The following ATP11B variants were observed in gnomAD, a reference collection of about 807,000 sequenced individuals.
ATP11B encodes ATPase phospholipid transporting 11B (putative).
Under a neutral mutation model 157.8 loss-of-function variants are expected in ATP11B, and 81 were observed. That is an observed-to-expected ratio of 0.51 (90% CI 0.43 to 0.62). ATP11B has a LOEUF of 0.62. ATP11B is among the 20% of genes least tolerant of loss of function. ATP11B has a pLI of 0.00. For synonymous variants in ATP11B, 451 were observed against 469.4 expected (o/e 0.96, Z 0.51); for missense variants, 1,165 against 1,402.2 (o/e 0.83, Z 2.70).
At chr3:182,826,181 A>T (rs1373313570) in intron 2 of ATP11B, among the ~76,000 whole-genome samples, 1 of 152,190 alleles carries the variant, frequency 6.6e-6, no homozygotes, top group East Asian at 1.9e-4. Flanking sequence ...TTCACAATCT[A>T]TTATGTTTGT....
intron 7 of ATP11B, among the ~76,000 whole-genome samples, chr3:182,837,434 T>C (rs1227851808): frequency 6.6e-6 from 1 of 152,126 alleles, no homozygotes; most frequent in Non-Finnish European, 1.5e-5. Flanking sequence ...ACTAGCATGC[T>C]CACTTTGTAG....
intron 4 of ATP11B, chr3:182,830,021 C>T: frequency 2.7e-6 from 2 of 739,042 alleles, no homozygotes; most frequent in African/African-American, 1.9e-5. Flanking sequence ...TATGTATAAA[C>T]CATTTATATA....
At chr3:182,905,403 G>T (rs545917639) in intron 28 of ATP11B, among the ~76,000 whole-genome samples, 12 of 152,176 alleles carry the variant, frequency 7.9e-5, no homozygotes, top group Non-Finnish European at 1.3e-4. Flanking sequence ...AGGCCATGAA[G>T]TCCAGTTAGA....
intron 1 of ATP11B, among the ~76,000 whole-genome samples, chr3:182,811,226 G>C (rs1244231567): frequency 1.3e-5 from 2 of 152,098 alleles, no homozygotes; most frequent in Non-Finnish European, 2.9e-5. Context: ...TAAAAGTTCT[G>C]ACAAAAAGTA....
chr3:182,834,190 A>C (rs1261724022), intron 4 of ATP11B, among the ~76,000 whole-genome samples: 1 of 152,212 alleles, frequency 6.6e-6, no homozygotes, highest in Non-Finnish European at 1.5e-5. Flanking sequence ...TTTGACTTTC[A>C]ATTAAATTTC....
chr3:182,864,111 T>G (rs1372037451), intron 12 of ATP11B, among the ~76,000 whole-genome samples: 1 of 152,154 alleles, frequency 6.6e-6, no homozygotes, highest in Non-Finnish European at 1.5e-5. Context: ...TGGATATCGA[T>G]CTTTTTATCC....
At chr3:182,816,412 A>G (rs145474762) in intron 1 of ATP11B, among the ~76,000 whole-genome samples, 270 of 152,308 alleles carry the variant, frequency 1.8e-3, no homozygotes, top group Non-Finnish European at 2.7e-3. Flanking sequence ...TTATGTGCCA[A>G]AGGTTTCTGA....
intron 10 of ATP11B, 97 bp from the exon 11 acceptor site, chr3:182,857,781 G>A (rs1720524093): frequency 4.1e-6 from 3 of 726,766 alleles, no homozygotes; most frequent in African/African-American, 1.8e-5. Context: ...TACCCTCTAT[G>A]TTTTAATATC....
intron 17 of ATP11B, among the ~76,000 whole-genome samples, chr3:182,870,143 T>C (rs991567587): frequency 6.6e-6 from 1 of 152,202 alleles, no homozygotes; most frequent in African/African-American, 2.4e-5. Context: ...TATTGTGGAT[T>C]TAGATAGTGG....
rs532534029 is a variant in ATP11B, at chr3:182,883,921, C to G, written c.2510-832C>G. Among the ~76,000 whole-genome samples the G allele has an allele frequency of 2.1e-3, 292 of 140,594 alleles. 3 individuals are homozygous for G. Among genetic ancestry groups the G allele is most frequent in the Middle Eastern group, 0.012 (3 of 258 alleles). 92.2% of individuals were successfully genotyped at this position (140,594 alleles called of 152,430 possible). A position where few individuals can be genotyped will look rare whatever the true frequency, so the allele number is the denominator to read the frequency against. On this transcript the variant is annotated intron_variant, in intron 21 of 29. Transcript: ENST00000323116. Reference sequence around the variant, plus strand: ...AGTGAGCCGAGATCCCGCCACTGCACTCCAGCCTGGGCGACAGAGCGAGAC... The same window carrying G: ...AGTGAGCCGAGATCCCGCCACTGCAGTCCAGCCTGGGCGACAGAGCGAGAC...
rs1719094349 is a variant in ATP11B, at chr3:182,842,079, A to G, written c.661A>G (p.Met221Val). 1.2e-6 allele frequency: 2 copies of G among 1,602,332 alleles called. No homozygotes were observed. Among genetic ancestry groups the G allele is most frequent in the East Asian group, 2.2e-5 (1 of 44,756 alleles). Residue 221 changes from methionine to valine, a missense_variant, in exon 8 of 30, where the codon ATG becomes GTG. Met to Val is a conservative substitution (Grantham distance 21). Around this residue, in one of 4 missense-constraint regions of ATP11B, gnomAD observed 737 missense variants for 930.5 expected, o/e 0.79. Coordinates refer to ENST00000323116, the MANE Select transcript of ATP11B (RefSeq NM_014616.3). ...QQPEADLYRF[M>V]GRMIITQQME... ...GTAATGTGAATTTTTTGATAGATTCATGGGACGAATGATCATAACCCAACA... is the reference window on the plus strand; with the variant it reads ...GTAATGTGAATTTTTTGATAGATTCGTGGGACGAATGATCATAACCCAACA...
Position 182,873,935 on chromosome 3 carries a change from T to C in ATP11B, c.2172T>C (p.His724=), listed in dbSNP as rs1255727274. 5 of 1,614,156 alleles carry C rather than the reference T, an allele frequency of 3.1e-6. No homozygotes were observed. Among genetic ancestry groups the C allele is most frequent in the Non-Finnish European group, 4.2e-6 (5 of 1,180,002 alleles). Residue 724 remains histidine, a synonymous_variant, in exon 19 of 30, where the codon CAT becomes CAC. Transcript: ENST00000323116. ...VSVSLSCGHF[H]RTMNILELIN... is the part of the protein sequence containing the mutation. The stretch of plus-strand genomic sequence containing the variant: ...TGAGTTTATCATGTGGCCATTTTCA[T>C]AGAACCATGAACATCCTTGAACTTA...
intron 10 of ATP11B, among the ~76,000 whole-genome samples, chr3:182,853,426 T>A (rs953379568): frequency 3.3e-5 from 5 of 152,108 alleles, no homozygotes; most frequent in Non-Finnish European, 5.9e-5. Context: ...CCAGGATGTC[T>A]TGATCTCTTG....
chr3:182,915,019 C>T, intron 29 of ATP11B: 1 of 985,284 alleles, frequency 1.0e-6, no homozygotes, highest in Non-Finnish European at 1.2e-6. Context: ...TTGGAAATTA[C>T]CCCAGGAACA....
Position 182,849,810 on chromosome 3 carries a change from A to G in ATP11B, c.851+1253A>G, listed in dbSNP as rs547880224. On this transcript the variant is annotated intron_variant, in intron 10 of 29. Coordinates refer to ENST00000323116, the MANE Select transcript of ATP11B (RefSeq NM_014616.3). ...GTAATTGATTCCCAAAAAAAGAGAA[A>G]AAAGGACAGAATAAAAATATTTGAA... is the stretch of plus-strand genomic sequence containing the variant. 4.1e-4 allele frequency among the ~76,000 whole-genome samples: 62 copies of G among 152,276 alleles called. 2 individuals are homozygous for G. In the South Asian group the frequency reaches 5.4e-3, roughly 13 times the overall value.
At position 182,872,502 on chromosome 3, in the gene ATP11B, C is replaced by A. The variant is rs201753110; in HGVS notation, c.2013C>A (p.Asp671Glu). The change falls in exon 18 of 30, where the codon GAC becomes GAA. Residue 671 changes from aspartate to glutamate, a missense_variant. Asp to Glu is a conservative substitution (Grantham distance 45). Around this residue, in one of 4 missense-constraint regions of ATP11B, gnomAD observed 737 missense variants for 930.5 expected, o/e 0.79. Transcript: ENST00000323116. ...CTGTTTTCCAGTTCATAGAGAAAGA[C>A]CTGATATTACTTGGAGCCACAGCAG... ...LAAVFQFIEK[D>E]LILLGATAVE... The A allele has an allele frequency of 2.5e-6, 4 of 1,613,654 alleles. No individual in the cohort carries two copies. In the East Asian group the frequency reaches 8.9e-5, roughly 36 times the overall value.
intron 1 of ATP11B, among the ~76,000 whole-genome samples, chr3:182,815,474 A>G (rs1374170277): frequency 6.6e-6 from 1 of 152,200 alleles, no homozygotes; most frequent in African/African-American, 2.4e-5. Flanking sequence ...CCTCCCCAGA[A>G]GCATTGGTAT....
chr3:182,911,271 G>GCCCCCCGC (rs1553826072), intron 28 of ATP11B, among the ~76,000 whole-genome samples: 1 of 76,612 alleles, frequency 1.3e-5, no homozygotes, highest in African/African-American at 8.3e-5. Context: ...CTATTGAAAT[G>GCCCCCCGC]CCCCCCCCCG....
chr3:182,842,038 G>C, intron 7 of ATP11B, 37 bp from the exon 8 acceptor site: 1 of 1,402,966 alleles, frequency 7.1e-7, no homozygotes, highest in Non-Finnish European at 1.0e-6. Flanking sequence ...TGTCATAAGT[G>C]ATATTATATG....
Sources: gnomAD v4.1 joint callset for allele counts (sites outside exome capture counted in the v4.1 genomes callset) on GRCh38, gnomAD v4.1.1 for gene constraint, gnomAD v4.1.1 regional missense constraint, MANE v1.5 for transcripts, NCBI Gene and HGNC (gene_info 2026-07-23, HGNC 2026-07-21) for gene names.